The following MGST1 variants were observed in gnomAD, a reference collection of about 807,000 sequenced individuals.
MGST1 encodes microsomal glutathione S-transferase 1.
In MGST1, 5 loss-of-function variants were observed where a neutral mutation model predicts 8.9. That is an observed-to-expected ratio of 0.56 (90% CI 0.29 to 1.19). The LOEUF (loss-of-function observed/expected upper bound fraction) is 1.19. Among genes scored for constraint, MGST1 ranks in the 50% most tolerant of loss-of-function variants. The pLI, the probability that MGST1 is intolerant of heterozygous loss-of-function variation, is 0.08. For missense variants in MGST1, 182 were observed against 187.4 expected (o/e 0.97, Z 0.17); for synonymous variants, 54 against 67.8 (o/e 0.80, Z 1.00).
downstream of MGST1, among the ~76,000 whole-genome samples, chr12:16,380,902 CTTCT>C (rs774945098): frequency 6.6e-6 from 1 of 152,010 alleles, no homozygotes; most frequent in East Asian, 1.9e-4. Flanking sequence ...ATGTAGTGGC[CTTCT>C]TTGTCTCTTT....
intron 4 of MGST1, among the ~76,000 whole-genome samples, chr12:16,569,727 CTATT>C (rs1175785213): frequency 6.6e-6 from 1 of 151,980 alleles, no homozygotes; most frequent in East Asian, 1.9e-4. Flanking sequence ...GTCAAGCTTG[CTATT>C]TATTGTTTTG....
chr12:16,592,933 A>T (rs927079697), downstream of MGST1, among the ~76,000 whole-genome samples: 5 of 151,902 alleles, frequency 3.3e-5, no homozygotes, highest in African/African-American at 1.2e-4. Context: ...ATTGTTCTAA[A>T]AGTTTTAGAA....
At chr12:16,483,986 C>G (rs1382309223) in intron 4 of MGST1, among the ~76,000 whole-genome samples, 1 of 152,170 alleles carries the variant, frequency 6.6e-6, no homozygotes, top group Admixed American at 6.5e-5. Flanking sequence ...AAAGTAATAT[C>G]ATATTGCACA....
chr12:16,584,824 CTGGTATACAT>C lies in MGST1; in HGVS notation n.483-4700_483-4691del, dbSNP rs1213866695. On this transcript the variant is annotated intron_variant and non_coding_transcript_variant, in intron 4 of 4. Transcript: ENST00000538857. This position sits in a 1 kb window ranked among gnomAD's most constrained non-coding sequence, Gnocchi z 5.2. ...GGAGATTTCTGAAGCAGGAGTGTAA[CTGGTATACAT>C]TGGATGAAGGGCTCTGATCCTCTCT... Among the ~76,000 whole-genome samples, 2 of 152,150 alleles carry C rather than the reference CTGGTATACAT, an allele frequency of 1.3e-5. No individual in the cohort carries two copies. The highest frequency in any genetic ancestry group is 2.9e-5 in the Non-Finnish European group (2 of 68,032).
chr12:16,550,107 G>A (rs1220671275), intron 4 of MGST1: 2 of 151,920 alleles, frequency 1.3e-5, no homozygotes, highest in African/African-American at 4.8e-5. Flanking sequence ...GATTCTATGA[G>A]CATTATGTTG....
chr12:16,471,643 T>G (rs1436281478), intron 4 of MGST1, among the ~76,000 whole-genome samples: 5 of 152,108 alleles, frequency 3.3e-5, no homozygotes, highest in African/African-American at 1.2e-4. Flanking sequence ...AAAAAACATA[T>G]TTACTACAAA....
At chr12:16,567,667 G>A (rs1434643763) in intron 4 of MGST1, 2 of 152,170 alleles carry the variant, frequency 1.3e-5, no homozygotes, top group Non-Finnish European at 2.9e-5. Flanking sequence ...TAGTCTGCTT[G>A]GTGGAGGTTA....
rs78305606 is a variant in MGST1, at chr12:16,464,020, G to A, written n.482+80416G>A. 7.9e-3 allele frequency among the ~76,000 whole-genome samples: 1,196 copies of A among 152,320 alleles called. 18 individuals carry two copies. The highest frequency in any genetic ancestry group is 0.027 in the African/African-American group (1,115 of 41,566). On this transcript the variant is annotated intron_variant and non_coding_transcript_variant, in intron 4 of 4. Transcript: ENST00000538857. The stretch of plus-strand genomic sequence containing the variant: ...AGCATATTTGGACTCAGTAGGCTGG[G>A]TTCGAATGGCAGTTTCATTACTCGT...
chr12:16,515,611 CAA>C (rs1304653318), intron 4 of MGST1, among the ~76,000 whole-genome samples: 1 of 118,088 alleles, frequency 8.5e-6, no homozygotes, highest in Non-Finnish European at 1.7e-5. Context: ...GCCTGGGCAA[CAA>C]GAGCGAAACT....
At chr12:16,493,854 G>A (rs1303335797) in intron 4 of MGST1, among the ~76,000 whole-genome samples, 1 of 151,132 alleles carries the variant, frequency 6.6e-6, no homozygotes, top group Admixed American at 6.6e-5. Context: ...GAAACTTTAT[G>A]TCAGCTTGAA....
At chr12:16,488,448 C>G (rs1023615617) in intron 4 of MGST1, among the ~76,000 whole-genome samples, 2 of 152,090 alleles carry the variant, frequency 1.3e-5, no homozygotes, top group Non-Finnish European at 2.9e-5. Flanking sequence ...TCTTGATGTT[C>G]TCTCTGTCCA....
At chr12:16,395,192 A>AT (rs1394301171) in intron 1 of MGST1, among the ~76,000 whole-genome samples, 2 of 151,984 alleles carry the variant, frequency 1.3e-5, no homozygotes, top group South Asian at 2.1e-4. Flanking sequence ...CTGGGGAAGG[A>AT]TTTTTTATAT....
intron 1 of MGST1, among the ~76,000 whole-genome samples, chr12:16,432,752 G>A (rs1434189925): frequency 6.8e-6 from 1 of 147,784 alleles, no homozygotes; most frequent in African/African-American, 2.5e-5. Flanking sequence ...AATATTGTCA[G>A]AGTTCTCCAG....
intron 4 of MGST1, among the ~76,000 whole-genome samples, chr12:16,533,998 G>A (rs550265151): frequency 1.4e-4 from 22 of 152,224 alleles, no homozygotes; most frequent in Middle Eastern, 6.8e-3. Context: ...TGTGGCTGGC[G>A]CATGGTTTAT....
chr12:16,543,484 C>A (rs762941563), intron 4 of MGST1, among the ~76,000 whole-genome samples: 2 of 152,020 alleles, frequency 1.3e-5, no homozygotes, highest in Non-Finnish European at 2.9e-5. Context: ...GGAGCATAAA[C>A]CATGCCTGAT....
In MGST1 at chr12:16,401,405, G is replaced by T; in HGVS notation, n.778+17801G>T. The T allele has an allele frequency of 9.9e-7, 1 of 1,010,536 alleles. No individual in the cohort carries two copies. The highest frequency in any genetic ancestry group is 1.6e-6 in the Non-Finnish European group (1 of 634,778). 62.6% of individuals were successfully genotyped at this position (1,010,536 alleles called of 1,614,324 possible). A position where few individuals can be genotyped will look rare whatever the true frequency, so the allele number is the denominator to read the frequency against. On this transcript the variant is annotated intron_variant and non_coding_transcript_variant, in intron 1 of 1. Transcript: ENST00000359720. The surrounding 1 kb of genome is among the most constrained non-coding windows in gnomAD (Gnocchi z 4.3). Reference sequence around the variant, plus strand: ...AGGTTTCTGGTAATTTTGTTCAGGAGTTCTGGCTTCTGCTTTTTAGCCACG... The same window carrying T: ...AGGTTTCTGGTAATTTTGTTCAGGATTTCTGGCTTCTGCTTTTTAGCCACG...
At chr12:16,398,525 A>G (rs558681270) in intron 1 of MGST1, among the ~76,000 whole-genome samples, 2 of 152,208 alleles carry the variant, frequency 1.3e-5, no homozygotes, top group African/African-American at 2.4e-5. Flanking sequence ...GAAGCAGTAC[A>G]TGAGGCACAA....
chr12:16,436,605 TAAAAGA>T (rs1940988953), intron 1 of MGST1, among the ~76,000 whole-genome samples: 1 of 151,918 alleles, frequency 6.6e-6, no homozygotes, highest in Non-Finnish European at 1.5e-5. Context: ...TGTGAATAAA[TAAAAGA>T]TAATGATAAC....
intron 1 of MGST1, among the ~76,000 whole-genome samples, chr12:16,392,119 A>G (rs1210457019): frequency 6.6e-6 from 1 of 152,066 alleles, no homozygotes; most frequent in African/African-American, 2.4e-5. Flanking sequence ...TTTTTGTACC[A>G]TTACCATGCT....
Sources: allele counts gnomAD v4.1 joint callset (sites outside exome capture counted in the v4.1 genomes callset), GRCh38; gene constraint gnomAD v4.1.1; non-coding constraint Gnocchi (gnomAD v3.1); transcripts MANE v1.5; gene names NCBI Gene and HGNC (gene_info 2026-07-23, HGNC 2026-07-21).